SH3RF3: variants seen among roughly 807,000 people sequenced by gnomAD.
SH3RF3 encodes E3 ubiquitin-protein ligase SH3RF3.
Under a neutral mutation model 66.3 loss-of-function variants are expected in SH3RF3, and 29 were observed. The observed-to-expected ratio is 0.44, with a 90% CI of 0.33 to 0.60. The LOEUF is 0.60. Among genes scored for constraint, SH3RF3 ranks in the 20% least tolerant of loss-of-function variants. The pLI, the probability that SH3RF3 is intolerant of heterozygous loss-of-function variation, is 0.04. For synonymous variants in SH3RF3, 583 were observed against 532.0 expected, an observed-to-expected ratio of 1.10 and a Z score of -1.32; for missense variants, 1,194 against 1,190.9, an observed-to-expected ratio of 1.00 and a Z score of -0.04.
At chr2:109,203,660 C>G (rs1375515304) in intron 1 of SH3RF3, among the ~76,000 whole-genome samples, 1 of 152,162 alleles carries the variant, frequency 6.6e-6, no homozygotes, top group East Asian at 1.9e-4. Context: ...TGTGAGTGTC[C>G]TGGCCCTGTG....
intron 1 of SH3RF3, among the ~76,000 whole-genome samples, chr2:109,277,483 A>C (rs902461603): frequency 6.6e-6 from 1 of 152,218 alleles, no homozygotes; most frequent in Non-Finnish European, 1.5e-5. Flanking sequence ...CTGCTAGGAC[A>C]TTGGGCAGCT....
intron 1 of SH3RF3, among the ~76,000 whole-genome samples, chr2:109,243,957 T>C (rs1195318304): frequency 6.6e-6 from 1 of 152,204 alleles, no homozygotes; most frequent in African/African-American, 2.4e-5. Context: ...CCATGGGCAC[T>C]TGGTGGTTCT....
chr2:109,468,659 G>C (rs1219794014), intron 8 of SH3RF3, among the ~76,000 whole-genome samples: 1 of 151,890 alleles, frequency 6.6e-6, no homozygotes, highest in Admixed American at 6.6e-5. Context: ...TTTGAGACCA[G>C]CCTGGCCAAC....
chr2:109,388,114 C>G (rs72943391), intron 3 of SH3RF3, among the ~76,000 whole-genome samples: 1 of 152,162 alleles, frequency 6.6e-6, no homozygotes, highest in Non-Finnish European at 1.5e-5. Flanking sequence ...CACCATCCTA[C>G]GCCTGCCCAC....
intron 1 of SH3RF3, among the ~76,000 whole-genome samples, chr2:109,250,090 C>CTTTT (rs61141462): frequency 0.016 from 2,217 of 134,834 alleles, 66 homozygotes; most frequent in African/African-American, 0.057. Flanking sequence ...GTAGGTGTTC[C>CTTTT]TTTTTTTTTT....
At chr2:109,362,519 G>A (rs1167238125) in intron 2 of SH3RF3, among the ~76,000 whole-genome samples, 1 of 152,158 alleles carries the variant, frequency 6.6e-6, no homozygotes, top group African/African-American at 2.4e-5. Context: ...CTGTGGGCTT[G>A]AAAAGAATGT....
intron 8 of SH3RF3, among the ~76,000 whole-genome samples, chr2:109,487,004 C>G (rs1482914960): frequency 6.6e-6 from 1 of 152,076 alleles, no homozygotes; most frequent in Non-Finnish European, 1.5e-5. Context: ...GGAAAGTGAT[C>G]CCCCCAACAG....
chr2:109,361,144 T>G (rs544577386), intron 2 of SH3RF3, among the ~76,000 whole-genome samples: 8 of 152,244 alleles, frequency 5.3e-5, no homozygotes, highest in African/African-American at 1.9e-4. Flanking sequence ...TTTTTAGATG[T>G]TGAGCCAGCC....
intron 4 of SH3RF3, among the ~76,000 whole-genome samples, chr2:109,408,995 G>A (rs1380726541): frequency 6.6e-6 from 1 of 152,190 alleles, no homozygotes; most frequent in African/African-American, 2.4e-5. Flanking sequence ...CTTCTTAGCT[G>A]AGGCTTGGGA....
chr2:109,200,512 C>T (rs1389109177), intron 1 of SH3RF3, among the ~76,000 whole-genome samples: 3 of 152,188 alleles, frequency 2.0e-5, no homozygotes, highest in African/African-American at 7.2e-5. Context: ...CGGGTCCAAG[C>T]CTCCGACTCT....
chr2:109,227,338 C>CTT (rs146850565), intron 1 of SH3RF3, among the ~76,000 whole-genome samples: 1,894 of 152,292 alleles, frequency 0.012, 47 homozygotes, highest in African/African-American at 0.043. Flanking sequence ...AGTCACAATA[C>CTT]TAAGGGACTT....
At chr2:109,303,665 C>T (rs1010247291) in intron 1 of SH3RF3, among the ~76,000 whole-genome samples, 2 of 152,196 alleles carry the variant, frequency 1.3e-5, no homozygotes, top group Non-Finnish European at 2.9e-5. Context: ...GGAGACTGCC[C>T]ACATTCGGGT....
chr2:109,398,890 G>T lies in SH3RF3; in HGVS notation c.1246G>T (p.Ala416Ser). The T allele has an allele frequency of 1.2e-6, 2 of 1,613,688 alleles. No homozygotes were observed. Residue 416 changes from alanine to serine, a missense_variant, in exon 4 of 10, where the codon GCC (alanine) becomes TCC (serine). Ala to Ser is a moderately conservative substitution (Grantham distance 99, BLOSUM62 1). Coordinates refer to ENST00000309415, the MANE Select transcript of SH3RF3 (RefSeq NM_001099289.3). Reference protein sequence around the residue: ...PVLISSSDPRAAARIGDLAHL... With the variant: ...PVLISSSDPRSAARIGDLAHL... ...GTTGATCAGCTCCAGCGATCCCCGA[G>T]CCGCGGCCAGGATTGGAGACCTTGC...
chr2:109,261,546 G>A (rs932631438), intron 1 of SH3RF3, among the ~76,000 whole-genome samples: 2 of 152,048 alleles, frequency 1.3e-5, no homozygotes, highest in African/African-American at 4.8e-5. Context: ...CATCTCCCAG[G>A]GACAAACACA....
At chr2:109,147,519 A>AAGG (rs981231847) in intron 1 of SH3RF3, among the ~76,000 whole-genome samples, 1 of 152,192 alleles carries the variant, frequency 6.6e-6, no homozygotes, top group African/African-American at 2.4e-5. Flanking sequence ...CACTTGAAGG[A>AAGG]ATTAGCACTA....
chr2:109,383,945 C>A (rs367693812), intron 3 of SH3RF3, among the ~76,000 whole-genome samples: 10 of 152,336 alleles, frequency 6.6e-5, no homozygotes, highest in African/African-American at 2.4e-4. Context: ...GTTCTGATGA[C>A]AGTCTAGAGG....
chr2:109,266,456 A>G (rs1005334277), intron 1 of SH3RF3, among the ~76,000 whole-genome samples: 10 of 152,170 alleles, frequency 6.6e-5, no homozygotes, highest in East Asian at 5.8e-4. Flanking sequence ...AGGGACACCT[A>G]TGTTTGGGAG....
chr2:109,470,050 T>G (rs1248128440), intron 8 of SH3RF3, among the ~76,000 whole-genome samples: 3 of 152,216 alleles, frequency 2.0e-5, no homozygotes, highest in Admixed American at 2.0e-4. Flanking sequence ...GTCTGAGGGT[T>G]AGCTGAGCCC....
chr2:109,248,872 T>G (rs367665286), intron 1 of SH3RF3, among the ~76,000 whole-genome samples: 86 of 120,324 alleles, frequency 7.1e-4, no homozygotes, highest in African/African-American at 2.2e-3. Context: ...CCTTTTTCCT[T>G]TCCTTTCCTG....
Sources: gnomAD v4.1 joint callset for allele counts (sites outside exome capture counted in the v4.1 genomes callset) on GRCh38, gnomAD v4.1.1 for gene constraint, MANE v1.5 for transcripts, NCBI Gene and HGNC (gene_info 2026-07-23, HGNC 2026-07-21) for gene names.